Variants in ZNF274 observed in about 807,000 individuals in gnomAD.
ZNF274 encodes the protein neurotrophin receptor-interacting factor homolog.
In ZNF274, 23 loss-of-function variants were observed where a neutral mutation model predicts 42.5. The observed-to-expected ratio is 0.54, with a 90% CI of 0.39 to 0.77. ZNF274 has a LOEUF of 0.77. Among genes scored for constraint, ZNF274 ranks in the 30% least tolerant of loss-of-function variants. ZNF274 has a pLI of 0.00. For missense variants in ZNF274, 679 were observed against 806.5 expected (o/e 0.84, Z 1.91); for synonymous variants, 292 against 305.4 (o/e 0.96, Z 0.46).
intron 4 of ZNF274, among the ~76,000 whole-genome samples, chr19:58,203,048 G>A (rs868807712): frequency 6.6e-6 from 1 of 152,122 alleles, no homozygotes; most frequent in East Asian, 1.9e-4. Flanking sequence ...AAAATCCCTC[G>A]ATTAAGGAAT....
Position 58,211,707 on chromosome 19 carries a change from C to T in ZNF274, c.979+21C>T. 1.9e-6 allele frequency: 3 copies of T among 1,602,558 alleles called. No individual in the cohort carries two copies. The highest frequency in any genetic ancestry group is 1.7e-6 in the Non-Finnish European group (2 of 1,173,038). ...TGTGGGTAAGGCTGTGCCCCCTCTT[C>T]ACCCACCTCAGGGCTGGTAGGCCAC... On this transcript the variant is annotated intron_variant, in intron 7 of 7. Coordinates refer to ENST00000617501, the MANE Select transcript of ZNF274 (RefSeq NM_133502.3). The surrounding 1 kb of genome is among the most constrained non-coding windows in gnomAD (Gnocchi z 4.8).
rs1250346912 is a variant in ZNF274, at chr19:58,188,676, G to GTA, written c.256+1644_256+1645dup. On this transcript the variant is annotated intron_variant, in intron 4 of 7. Coordinates refer to ENST00000617501, the MANE Select transcript of ZNF274 (RefSeq NM_133502.3). ...AAAATAGATGTGTGTGTGTGTGTGT[G>GTA]TATATATATATGTATATGTATATAT... Among the ~76,000 whole-genome samples, 149 of 79,744 alleles carry GTA rather than the reference G, an allele frequency of 1.9e-3. 5 individuals carry two copies. In the South Asian group the frequency reaches 0.047, roughly 25 times the overall value. The allele number at this position is 79,744 out of a possible 152,430, so 52.3% of individuals were successfully genotyped here.
At chr19:58,201,068 G>A (rs2075904503) in intron 4 of ZNF274, among the ~76,000 whole-genome samples, 1 of 151,630 alleles carries the variant, frequency 6.6e-6, no homozygotes, top group Non-Finnish European at 1.5e-5. Context: ...ACAGTGGTGC[G>A]ATCATGACCC....
At chr19:58,185,617 C>T in intron 2 of ZNF274, 95 bp from the exon 3 acceptor site, 1 of 1,314,438 alleles carries the variant, frequency 7.6e-7, no homozygotes, top group Non-Finnish European at 9.9e-7. Context: ...TCTTGTAGAC[C>T]ATTCTGTGCT....
rs2075690586 is a variant in ZNF274, at chr19:58,185,773, A to G, written c.95A>G (p.Asp32Gly). The change falls in exon 3 of 8, where the codon GAC (aspartate) becomes GGC (glycine). Residue 32 changes from aspartate (D) to glycine (G), a missense_variant. Transcript: ENST00000617501. ...GFTPEEWGLL[D>G]LKQKSLYREV... ...ACCCCGGAAGAGTGGGGACTGCTGG[A>G]CCTCAAACAGAAGTCCCTGTACAGG... 6.8e-7 allele frequency: 1 copy of G among 1,460,332 alleles called. No individual in the cohort carries two copies. The allele number at this position is 1,460,332 out of a possible 1,614,324, so 90.5% of individuals were successfully genotyped here.
At chr19:58,206,609 T>G in intron 4 of ZNF274, 111 bp from the exon 5 acceptor site, 3 of 1,290,404 alleles carry the variant, frequency 2.3e-6, no homozygotes, top group Non-Finnish European at 2.1e-6. Flanking sequence ...GCTAGTGGGT[T>G]TGAAGCATAT....
intron 4 of ZNF274, among the ~76,000 whole-genome samples, chr19:58,203,591 A>G (rs79669144): frequency 1.5e-4 from 23 of 150,188 alleles, no homozygotes; most frequent in Admixed American, 4.0e-4. Flanking sequence ...AAAAAAAAAA[A>G]AAAAAGAAAA....
At chr19:58,199,537 A>G (rs1325150138) in intron 4 of ZNF274, among the ~76,000 whole-genome samples, 2 of 152,200 alleles carry the variant, frequency 1.3e-5, no homozygotes, top group Non-Finnish European at 2.9e-5. Flanking sequence ...CCTGGCCAAC[A>G]TGGTGAAACT....
chr19:58,194,371 C>CTTTTTTTTTT (rs766266627), intron 4 of ZNF274, among the ~76,000 whole-genome samples: 3 of 64,176 alleles, frequency 4.7e-5, no homozygotes, highest in Admixed American at 2.5e-4. Flanking sequence ...TGTTTTTTAC[C>CTTTTTTTTTT]TTTTTTTTTT....
chr19:58,197,577 T>C (rs2075859154), intron 4 of ZNF274, among the ~76,000 whole-genome samples: 1 of 152,204 alleles, frequency 6.6e-6, no homozygotes, highest in African/African-American at 2.4e-5. Context: ...ACACAATGAC[T>C]GAATTACTAG....
chr19:58,190,116 C>CTT (rs2075761525), intron 4 of ZNF274, among the ~76,000 whole-genome samples: 1 of 138,750 alleles, frequency 7.2e-6, no homozygotes, highest in Non-Finnish European at 1.5e-5. Context: ...GAGCAAGACT[C>CTT]TATCTCAAAA....
intron 4 of ZNF274, among the ~76,000 whole-genome samples, chr19:58,197,436 C>G (rs549033851): frequency 6.6e-6 from 1 of 152,340 alleles, no homozygotes; most frequent in South Asian, 2.1e-4. Flanking sequence ...CTACATAAAA[C>G]ACTGATAAGT....
intron 4 of ZNF274, among the ~76,000 whole-genome samples, chr19:58,194,925 C>T (rs1392767341): frequency 6.6e-6 from 1 of 151,906 alleles, no homozygotes; most frequent in East Asian, 1.9e-4. Flanking sequence ...GGCATGAAGC[C>T]GGGAGGCGGA....
At chr19:58,197,697 G>A (rs555415702) in intron 4 of ZNF274, among the ~76,000 whole-genome samples, 127 of 152,324 alleles carry the variant, frequency 8.3e-4, no homozygotes, top group African/African-American at 2.8e-3. Context: ...AAACAAAAGG[G>A]TAGGTAAGAG....
At chr19:58,203,265 T>C (rs1040750082) in intron 4 of ZNF274, among the ~76,000 whole-genome samples, 4 of 152,056 alleles carry the variant, frequency 2.6e-5, no homozygotes, top group Non-Finnish European at 5.9e-5. Context: ...CCCCAGCTGC[T>C]TCTCAGGAAA....
At chr19:58,189,230 T>C (rs2146199109) in intron 4 of ZNF274, among the ~76,000 whole-genome samples, 1 of 152,266 alleles carries the variant, frequency 6.6e-6, no homozygotes, top group East Asian at 1.9e-4. Context: ...ATACAGAAGT[T>C]TTATAATTTC....
In ZNF274 at chr19:58,213,289, GC is replaced by G; in HGVS notation, c.*149del. ...AAACCAAAGGACAACTGAGGAGACT[GC>G]CCAGCACATAATGAATAAATAAGAA... On this transcript the variant is annotated 3_prime_UTR_variant, in exon 8 of 8. Transcript: ENST00000617501. 1.1e-6 allele frequency: 1 copy of G among 951,070 alleles called. No homozygotes were observed. The highest frequency in any genetic ancestry group is 1.5e-6 in the Non-Finnish European group (1 of 679,640). 58.9% of individuals were successfully genotyped at this position (951,070 alleles called of 1,614,324 possible).
rs1400855762 is a variant in ZNF274 at position 58,207,390 on chromosome 19, G to C, written c.739+188G>C. ...GCCACTGAAACCCTTGCATTCTTTAGCCCTTCGTGGGCTTCTGATGGAAGC... is the reference window on the plus strand; with the variant it reads ...GCCACTGAAACCCTTGCATTCTTTACCCCTTCGTGGGCTTCTGATGGAAGC... On this transcript the variant is annotated intron_variant, in intron 5 of 7. Coordinates refer to ENST00000617501, the MANE Select transcript of ZNF274 (RefSeq NM_133502.3). This position sits in a 1 kb window ranked among gnomAD's most constrained non-coding sequence, Gnocchi z 5.6. 6.6e-6 allele frequency among the ~76,000 whole-genome samples: 1 copy of C among 152,146 alleles called. No homozygotes were observed. Among genetic ancestry groups the C allele is most frequent in the Non-Finnish European group, 1.5e-5 (1 of 68,026 alleles).
At chr19:58,187,101 C>A in intron 4 of ZNF274, 59 bp downstream of exon 4, 1 of 1,428,450 alleles carries the variant, frequency 7.0e-7, no homozygotes, top group Non-Finnish European at 9.7e-7. Flanking sequence ...AGTCAGGGAC[C>A]AGTATCTTGG....
Sources: gnomAD v4.1 joint callset for allele counts (sites outside exome capture counted in the v4.1 genomes callset) on GRCh38, gnomAD v4.1.1 for gene constraint, Gnocchi (gnomAD v3.1) non-coding constraint, MANE v1.5 for transcripts, NCBI Gene and HGNC (gene_info 2026-07-23, HGNC 2026-07-21) for gene names.